Variants in CNTN1 observed in about 807,000 individuals in gnomAD.
The protein encoded by CNTN1 is contactin-1.
In CNTN1, 38 loss-of-function variants were observed where a neutral mutation model predicts 126.4. The ratio of observed to expected loss-of-function variants is 0.30; its 90% confidence interval spans 0.23 to 0.39. CNTN1 has a LOEUF of 0.39. Among genes scored for constraint, CNTN1 ranks in the 10% least tolerant of loss-of-function variants. The pLI, the probability that CNTN1 is intolerant of heterozygous loss-of-function variation, is 1.00. For synonymous variants in CNTN1, 413 were observed against 422.6 expected (o/e 0.98, Z 0.28); for missense variants, 1,009 against 1,248.4 (o/e 0.81, Z 2.89).
chr12:40,993,125 C>T lies in CNTN1; in HGVS notation c.1969C>T (p.Pro657Ser), dbSNP rs1417125993. ...TTACTATTTATTTTATTCAGATCCC[C>T]CAATTATTGAAGGAAATATGGAGGC... ...DDWKDAKTDPPIIEGNMEAAR... is the reference protein window; with the variant it reads ...DDWKDAKTDPSIIEGNMEAAR... The change falls in exon 17 of 24, where the codon CCA becomes TCA. Residue 657 changes from proline to serine, a missense_variant. By Grantham distance (74) the Pro-to-Ser change is moderately conservative (BLOSUM62 -1). Transcript: ENST00000551295. The T allele has an allele frequency of 6.2e-7, 1 of 1,612,772 alleles. No homozygotes were observed. The highest frequency in any genetic ancestry group is 8.5e-7 in the Non-Finnish European group (1 of 1,178,870).
intron 1 of CNTN1, among the ~76,000 whole-genome samples, chr12:40,720,409 G>GGTGTGT (rs10636043): frequency 3.4e-5 from 5 of 149,060 alleles, no homozygotes; most frequent in Non-Finnish European, 6.0e-5. Context: ...ATCTCAAAGG[G>GGTGTGT]GTGTGTGTGT....
chr12:40,955,040 A>C (rs894169235), intron 14 of CNTN1, among the ~76,000 whole-genome samples: 1 of 151,980 alleles, frequency 6.6e-6, no homozygotes, highest in Non-Finnish European at 1.5e-5. Context: ...AAAATGTCCT[A>C]TTTGTGGCAT....
chr12:40,786,158 T>C (rs1416770769), intron 1 of CNTN1, among the ~76,000 whole-genome samples: 1 of 152,196 alleles, frequency 6.6e-6, no homozygotes. Context: ...GGGAAAATCA[T>C]TCTCCGACTC....
chr12:40,840,954 A>C (rs990694356), intron 1 of CNTN1, among the ~76,000 whole-genome samples: 1 of 151,938 alleles, frequency 6.6e-6, no homozygotes, highest in Admixed American at 6.6e-5. Context: ...AATAAAAATG[A>C]GACCAGAACT....
intron 1 of CNTN1, among the ~76,000 whole-genome samples, chr12:40,906,934 T>A (rs930217069): frequency 6.6e-5 from 10 of 152,118 alleles, no homozygotes. Context: ...AGCTTCAGCC[T>A]CCCAAAGGGC....
chr12:40,928,450 T>A (rs1945769369), intron 6 of CNTN1, among the ~76,000 whole-genome samples: 1 of 151,970 alleles, frequency 6.6e-6, no homozygotes, highest in Non-Finnish European at 1.5e-5. Flanking sequence ...AGAAAACAAA[T>A]GAAAAGAATT....
chr12:40,898,066 G>T (rs186981128), intron 1 of CNTN1, among the ~76,000 whole-genome samples: 9 of 152,194 alleles, frequency 5.9e-5, no homozygotes, highest in Admixed American at 5.9e-4. Context: ...GGATCTGCTT[G>T]CCAAGTATGG....
intron 1 of CNTN1, among the ~76,000 whole-genome samples, chr12:40,727,921 C>A (rs765561810): frequency 6.6e-6 from 1 of 152,176 alleles, no homozygotes; most frequent in Admixed American, 6.5e-5. Flanking sequence ...CCAGTGTAAA[C>A]ACACATCCAA....
chr12:40,748,657 C>A (rs2136393652), intron 1 of CNTN1, among the ~76,000 whole-genome samples: 1 of 152,192 alleles, frequency 6.6e-6, no homozygotes, highest in East Asian at 1.9e-4. Flanking sequence ...TGGCTTTTAT[C>A]CTCAGTGTAT....
At chr12:40,750,347 T>C (rs558708133) in intron 1 of CNTN1, among the ~76,000 whole-genome samples, 1 of 152,178 alleles carries the variant, frequency 6.6e-6, no homozygotes, top group African/African-American at 2.4e-5. Context: ...TGTGTTCTAA[T>C]ATATAGGGAG....
At chr12:40,891,550 T>A (rs1487007869) in intron 1 of CNTN1, among the ~76,000 whole-genome samples, 1 of 152,146 alleles carries the variant, frequency 6.6e-6, no homozygotes, top group Non-Finnish European at 1.5e-5. Context: ...CATTTTGAGT[T>A]AGTTTTTGTG....
intron 1 of CNTN1, among the ~76,000 whole-genome samples, chr12:40,893,072 TTAAA>T (rs1309797657): frequency 3.3e-5 from 5 of 152,048 alleles, no homozygotes; most frequent in Non-Finnish European, 4.4e-5. Flanking sequence ...CAGTTCAAAC[TTAAA>T]TAAAGAATGT....
At chr12:40,793,113 G>T (rs1038247999) in intron 1 of CNTN1, among the ~76,000 whole-genome samples, 1 of 152,066 alleles carries the variant, frequency 6.6e-6, no homozygotes, top group African/African-American at 2.4e-5. Flanking sequence ...CTTACCACAG[G>T]CTAGCGTCTC....
chr12:40,919,022 T>C (rs1945343481), intron 4 of CNTN1, among the ~76,000 whole-genome samples: 1 of 152,188 alleles, frequency 6.6e-6, no homozygotes, highest in Non-Finnish European at 1.5e-5. Flanking sequence ...TATCCACTTA[T>C]AAATTGTATA....
intron 1 of CNTN1, among the ~76,000 whole-genome samples, chr12:40,844,963 A>G (rs138321461): frequency 1.1e-3 from 166 of 152,332 alleles, no homozygotes; most frequent in African/African-American, 3.8e-3. Context: ...GGAAATTTCA[A>G]TGAAAGAAAA....
chr12:40,750,779 C>T (rs1938377136), intron 1 of CNTN1, among the ~76,000 whole-genome samples: 1 of 152,042 alleles, frequency 6.6e-6, no homozygotes, highest in Admixed American at 6.6e-5. Flanking sequence ...ATATATTTAT[C>T]TTGAGGATCT....
At chr12:40,906,342 C>G (rs1221166243) in intron 1 of CNTN1, among the ~76,000 whole-genome samples, 5 of 152,022 alleles carry the variant, frequency 3.3e-5, no homozygotes, top group Non-Finnish European at 1.5e-5. Flanking sequence ...CCCAATTCTG[C>G]CTAGGAAAAT....
At chr12:40,977,406 T>A (rs1017263671) in intron 15 of CNTN1, among the ~76,000 whole-genome samples, 5 of 152,146 alleles carry the variant, frequency 3.3e-5, no homozygotes, top group Admixed American at 2.6e-4. Flanking sequence ...ATGAGGCATG[T>A]CTGGCTGCCC....
At chr12:40,721,491 T>G (rs1200157602) in intron 1 of CNTN1, among the ~76,000 whole-genome samples, 1 of 152,092 alleles carries the variant, frequency 6.6e-6, no homozygotes, top group Non-Finnish European at 1.5e-5. Flanking sequence ...AATATATTCA[T>G]TTTTATAATT....
Sources: gnomAD v4.1 joint callset for allele counts (sites outside exome capture counted in the v4.1 genomes callset) on GRCh38, gnomAD v4.1.1 for gene constraint, MANE v1.5 for transcripts, NCBI Gene and HGNC (gene_info 2026-07-23, HGNC 2026-07-21) for gene names.